UBAP2: variants seen among roughly 807,000 people sequenced by gnomAD.
UBAP2 encodes ubiquitin associated protein 2, also known as ubiquitin-associated protein 2.
In UBAP2, 75 loss-of-function variants were observed where a neutral mutation model predicts 139.6. That is an observed-to-expected ratio of 0.54 (90% CI 0.45 to 0.65). The LOEUF is 0.65. UBAP2 is among the 30% of genes least tolerant of loss of function. The pLI, the probability that UBAP2 is intolerant of heterozygous loss-of-function variation, is 0.00. For synonymous variants in UBAP2, 526 were observed against 526.2 expected, an observed-to-expected ratio of 1.00 and a Z score of 0.01; for missense variants, 1,368 against 1,369.6, an observed-to-expected ratio of 1.00 and a Z score of 0.02.
chr9:33,937,641 C>T (rs984695392), intron 16 of UBAP2, among the ~76,000 whole-genome samples: 1 of 148,128 alleles, frequency 6.8e-6, no homozygotes, highest in Non-Finnish European at 1.5e-5. Flanking sequence ...GGCACAATGG[C>T]TCATGCCTGT....
intron 1 of UBAP2, among the ~76,000 whole-genome samples, chr9:34,032,861 T>C (rs1054934467): frequency 2.0e-5 from 3 of 150,962 alleles, no homozygotes; most frequent in African/African-American, 7.3e-5. Flanking sequence ...GAGGCAGAGG[T>C]TGCAGTGAGC....
chr9:34,016,159 G>A (rs1241919579), intron 2 of UBAP2, among the ~76,000 whole-genome samples: 2 of 151,236 alleles, frequency 1.3e-5, no homozygotes, highest in South Asian at 4.2e-4. Flanking sequence ...AGGTGAAAGG[G>A]GAGAGGAGGA....
chr9:33,964,738 A>C (rs1827319505), intron 8 of UBAP2, among the ~76,000 whole-genome samples: 1 of 152,162 alleles, frequency 6.6e-6, no homozygotes, highest in African/African-American at 2.4e-5. Context: ...CAAGAAAAAA[A>C]AACATCAGTG....
intron 16 of UBAP2, chr9:33,938,811 A>T (rs1824825738): frequency 4.8e-6 from 2 of 412,966 alleles, no homozygotes; most frequent in Non-Finnish European, 9.4e-6. Flanking sequence ...AAAAAAAAAA[A>T]AAGCTTGTCA....
At chr9:33,960,664 C>T (rs1458549543) in intron 10 of UBAP2, among the ~76,000 whole-genome samples, 162 bp downstream of exon 10, 1 of 151,818 alleles carries the variant, frequency 6.6e-6, no homozygotes, top group Non-Finnish European at 1.5e-5. Context: ...TCTGTAATCC[C>T]AGCTATTTGG....
In UBAP2 at chr9:33,999,043, T is replaced by C. The variant is rs142945568; in HGVS notation, c.100-179A>G. On this transcript the variant is annotated intron_variant, in intron 2 of 28. Transcript: ENST00000379238. ...CCTGTTCCCATAGGAAAAATAAGCA[T>C]CAAATTAAGTAACATAAAGGACCCA... Among the ~76,000 whole-genome samples, 774 of 152,256 alleles carry C rather than the reference T, an allele frequency of 5.1e-3. 4 individuals are homozygous for C. The highest frequency in any genetic ancestry group is 0.016 in the African/African-American group (670 of 41,540).
Position 33,941,727 on chromosome 9 carries a change from A to G in UBAP2, c.1851T>C (p.Tyr617=), listed in dbSNP as rs1383872412. The G allele has an allele frequency of 5.6e-6, 9 of 1,614,080 alleles. No homozygotes were observed. The highest frequency in any genetic ancestry group is 5.3e-5 in the African/African-American group (4 of 74,930). The stretch of plus-strand genomic sequence containing the variant: ...TCCTGTTATGCACAGAACTCTGGTC[A>G]TAAGAGGAAGACATTGCTACTGGAC... ...SASPVAMSSS[Y]DQSSVHNRIP... The change falls in exon 16 of 29, where the codon TAT becomes TAC. Residue 617 remains tyrosine (Y), a synonymous_variant. Coordinates refer to ENST00000379238, the MANE Select transcript of UBAP2 (RefSeq NM_001370062.2).
chr9:33,986,462 A>T (rs1821224493), intron 6 of UBAP2, among the ~76,000 whole-genome samples: 1 of 152,202 alleles, frequency 6.6e-6, no homozygotes, highest in Admixed American at 6.5e-5. Context: ...AAAAAACCCT[A>T]TTGCATTGTA....
chr9:33,995,307 A>G (rs1054948975), intron 4 of UBAP2: 6 of 150,550 alleles, frequency 4.0e-5, no homozygotes, highest in Non-Finnish European at 5.9e-5. Flanking sequence ...CAGTGAGTCA[A>G]GATCACACTA....
chr9:34,045,385 AT>A (rs34608970), intron 1 of UBAP2, among the ~76,000 whole-genome samples: 21 of 151,098 alleles, frequency 1.4e-4, no homozygotes, highest in African/African-American at 4.8e-4. Flanking sequence ...TAAAAAAAAA[AT>A]TTTTTTTTGA....
Position 33,927,914 on chromosome 9 carries a change from C to A in UBAP2, c.2254G>T (p.Ala752Ser), listed in dbSNP as rs1363621175. ...CTGGACAGGCTGGCGCCTGAGGATG[C>A]GGAACTTGAGACGGAGGTCGCTGCC... ...STAATSVSSS[A>S]SSGASLSSSM... The change falls in exon 20 of 29, where the codon GCA becomes TCA. Residue 752 changes from alanine (A) to serine (S), a missense_variant. By Grantham distance (99) the Ala-to-Ser change is moderately conservative (BLOSUM62 1). Coordinates refer to ENST00000379238, the MANE Select transcript of UBAP2 (RefSeq NM_001370062.2). The A allele has an allele frequency of 1.2e-6, 2 of 1,614,160 alleles. No homozygotes were observed. The highest frequency in any genetic ancestry group is 8.5e-7 in the Non-Finnish European group (1 of 1,180,024).
chr9:34,004,442 G>A (rs887452377), intron 2 of UBAP2, among the ~76,000 whole-genome samples: 3 of 151,766 alleles, frequency 2.0e-5, no homozygotes, highest in South Asian at 2.1e-4. Flanking sequence ...CCAAGATGGC[G>A]CCACTGCACT....
At chr9:33,991,455 A>G (rs1821706299) in intron 4 of UBAP2, among the ~76,000 whole-genome samples, 1 of 152,190 alleles carries the variant, frequency 6.6e-6, no homozygotes. Flanking sequence ...GTATGTAGCC[A>G]TTTTACCAGT....
chr9:33,978,016 TAAAAAAAA>T (rs78838897), intron 6 of UBAP2, among the ~76,000 whole-genome samples: 1 of 118,190 alleles, frequency 8.5e-6, no homozygotes, highest in Admixed American at 9.0e-5. Context: ...CTCTGTCTTT[TAAAAAAAA>T]AAAAAAAAAA....
At position 34,003,153 on chromosome 9, in the gene UBAP2, A is replaced by T. The variant is rs557111511; in HGVS notation, c.100-4289T>A. Among the ~76,000 whole-genome samples, 26 of 148,316 alleles carry T rather than the reference A, an allele frequency of 1.8e-4. 1 individual carries two copies. Among genetic ancestry groups the T allele is most frequent in the African/African-American group, 6.2e-4 (25 of 40,236 alleles). On this transcript the variant is annotated intron_variant, in intron 2 of 28. Transcript: ENST00000379238. ...TGCAACCTCCGCCTCTTAGGTTCAAACAATTCTCATGCTTGGGACTACAGG... is the reference window on the plus strand; with the variant it reads ...TGCAACCTCCGCCTCTTAGGTTCAATCAATTCTCATGCTTGGGACTACAGG...
At chr9:33,939,902 GGAGGAT>G (rs1825031569) in intron 16 of UBAP2, among the ~76,000 whole-genome samples, 1 of 17,394 alleles carries the variant, frequency 5.7e-5, no homozygotes, top group Non-Finnish European at 1.4e-4. Flanking sequence ...GGGAGGAGGA[GGAGGAT>G]GGGGAGGAGA....
intron 16 of UBAP2, among the ~76,000 whole-genome samples, chr9:33,937,999 TTTTTTG>T (rs1824746408): frequency 6.6e-6 from 1 of 152,088 alleles, no homozygotes; most frequent in African/African-American, 2.4e-5. Flanking sequence ...TTTCTTTTGT[TTTTTTG>T]TTTTTGTTTT....
rs1463711145 is a variant in UBAP2 at position 34,007,555 on chromosome 9, T to G, written c.100-8691A>C. ...TTCCACACTCAGGTTGTTGATAATC[T>G]TTACCACAAAGGGATGTTGAATTTT... is the stretch of plus-strand genomic sequence containing the variant. On this transcript the variant is annotated intron_variant, in intron 2 of 28. Transcript: ENST00000379238. 2.6e-5 allele frequency among the ~76,000 whole-genome samples: 4 copies of G among 152,154 alleles called. No homozygotes were observed. In the South Asian group the frequency reaches 8.3e-4, roughly 32 times the overall value.
At chr9:33,954,267 T>TACACACACACACAC (rs368965909) in intron 11 of UBAP2, among the ~76,000 whole-genome samples, 3,103 of 101,536 alleles carry the variant, frequency 0.031, 66 homozygotes, top group East Asian at 0.12. Context: ...AGTGTGTGTA[T>TACACACACACACAC]ATACACACAC....
Sources: gnomAD v4.1 joint callset for allele counts (sites outside exome capture counted in the v4.1 genomes callset) on GRCh38, gnomAD v4.1.1 for gene constraint, MANE v1.5 for transcripts, NCBI Gene and HGNC (gene_info 2026-07-23, HGNC 2026-07-21) for gene names.